EPC2: variants seen among roughly 807,000 people sequenced by gnomAD.
The protein encoded by EPC2 is enhancer of polycomb 2.
EPC2 carries 14 observed loss-of-function variants against 92.1 expected under a neutral mutation model. The observed-to-expected ratio is 0.15, with a 90% CI of 0.10 to 0.24. EPC2 has a LOEUF of 0.24. Ranked by LOEUF, EPC2 falls within the 10% of genes least tolerant of loss-of-function variation. The pLI, the probability that EPC2 is intolerant of heterozygous loss-of-function variation, is 1.00. For synonymous variants in EPC2, 340 were observed against 334.7 expected (o/e 1.02, Z -0.17); for missense variants, 755 against 971.5 (o/e 0.78, Z 2.96).
At chr2:148,689,638 C>G (rs1681604131) in intron 1 of EPC2, among the ~76,000 whole-genome samples, 1 of 152,018 alleles carries the variant, frequency 6.6e-6, no homozygotes, top group African/African-American at 2.4e-5. Flanking sequence ...ATTTAGGAGG[C>G]TATTTCAGTA....
chr2:148,647,243 ATAACT>A (rs1339741247), intron 1 of EPC2, among the ~76,000 whole-genome samples: 4 of 152,248 alleles, frequency 2.6e-5, no homozygotes, highest in African/African-American at 9.6e-5. Context: ...ATTTAGTAAG[ATAACT>A]TAGAGTAATT....
At chr2:148,723,877 T>TTA (rs1318192884) in intron 2 of EPC2, among the ~76,000 whole-genome samples, 9 of 152,124 alleles carry the variant, frequency 5.9e-5, no homozygotes, top group Non-Finnish European at 1.2e-4. Context: ...CTGCTTGCAT[T>TTA]TGTAGCTTTG....
At chr2:148,722,682 C>G (rs1682406068) in intron 2 of EPC2, among the ~76,000 whole-genome samples, 3 of 152,128 alleles carry the variant, frequency 2.0e-5, no homozygotes, top group African/African-American at 7.2e-5. Context: ...GGTATATACC[C>G]AAAGAATTAT....
intron 4 of EPC2, among the ~76,000 whole-genome samples, chr2:148,759,939 A>G (rs1319320160): frequency 6.6e-6 from 1 of 152,092 alleles, no homozygotes; most frequent in Non-Finnish European, 1.5e-5. Flanking sequence ...AACGATAATT[A>G]TTTGGGCATA....
At chr2:148,719,357 C>G (rs1682322805) in intron 2 of EPC2, among the ~76,000 whole-genome samples, 1 of 152,094 alleles carries the variant, frequency 6.6e-6, no homozygotes. Flanking sequence ...TGCATTGATT[C>G]TTTCTCATCT....
chr2:148,656,960 T>C (rs1680814179), intron 1 of EPC2, among the ~76,000 whole-genome samples: 1 of 152,182 alleles, frequency 6.6e-6, no homozygotes, highest in South Asian at 2.1e-4. Flanking sequence ...TTTTACAGAT[T>C]AGTCTTGAAA....
At chr2:148,783,878 A>G in intron 12 of EPC2, 122 bp downstream of exon 12, 1 of 967,978 alleles carries the variant, frequency 1.0e-6, no homozygotes, top group Non-Finnish European at 1.5e-6. Context: ...ACTCTTTAGG[A>G]TTTCTTTGGA....
At chr2:148,645,973 A>C (rs1338483162) in intron 1 of EPC2, among the ~76,000 whole-genome samples, 1 of 152,244 alleles carries the variant, frequency 6.6e-6, no homozygotes, top group Admixed American at 6.5e-5. Flanking sequence ...CTAAATTGGC[A>C]GTTGTAATTT....
At chr2:148,773,128 G>A (rs1326285126) in intron 10 of EPC2, among the ~76,000 whole-genome samples, 1 of 151,966 alleles carries the variant, frequency 6.6e-6, no homozygotes, top group Non-Finnish European at 1.5e-5. Context: ...TATATATGTT[G>A]TATATATTGT....
intron 2 of EPC2, among the ~76,000 whole-genome samples, chr2:148,712,321 C>T (rs974820922): frequency 1.6e-4 from 25 of 151,944 alleles, no homozygotes; most frequent in Non-Finnish European, 8.8e-5. Context: ...TTGCAAGTAG[C>T]ACTATAATGC....
At chr2:148,769,802 G>A (rs1683481927) in intron 8 of EPC2, among the ~76,000 whole-genome samples, 1 of 152,156 alleles carries the variant, frequency 6.6e-6, no homozygotes, top group African/African-American at 2.4e-5. Context: ...ATGTAGCATT[G>A]TGAGGATGGC....
At chr2:148,742,914 TTTTA>T (rs1682905962) in intron 2 of EPC2, among the ~76,000 whole-genome samples, 1 of 152,160 alleles carries the variant, frequency 6.6e-6, no homozygotes, top group Non-Finnish European at 1.5e-5. Flanking sequence ...AAAATCAGCC[TTTTA>T]TTTATATAGT....
chr2:148,721,123 A>T (rs1682363697), intron 2 of EPC2, among the ~76,000 whole-genome samples: 1 of 151,682 alleles, frequency 6.6e-6, no homozygotes, highest in Non-Finnish European at 1.5e-5. Context: ...TCTCCCCAGT[A>T]CTCTTCCTAT....
intron 1 of EPC2, among the ~76,000 whole-genome samples, chr2:148,656,391 G>T (rs1680799194): frequency 6.9e-6 from 1 of 145,052 alleles, no homozygotes; most frequent in African/African-American, 2.4e-5. Flanking sequence ...AAAAAAGTCA[G>T]ATTAATTATT....
chr2:148,711,957 A>C (rs1422366035), intron 2 of EPC2, among the ~76,000 whole-genome samples: 1 of 151,936 alleles, frequency 6.6e-6, no homozygotes, highest in Non-Finnish European at 1.5e-5. Context: ...TTTAATCTCT[A>C]TGTGTCTTTA....
chr2:148,660,424 T>G (rs1284960824), intron 1 of EPC2, among the ~76,000 whole-genome samples: 1 of 152,104 alleles, frequency 6.6e-6, no homozygotes, highest in Non-Finnish European at 1.5e-5. Flanking sequence ...ACAAGAGAAT[T>G]TTAAATATAG....
At chr2:148,691,606 A>G (rs753846167) in intron 2 of EPC2, 78 of 1,550,326 alleles carry the variant, frequency 5.0e-5, no homozygotes, top group South Asian at 1.7e-4. Flanking sequence ...GAGAATTTTC[A>G]TTTGTTTCTG....
At position 148,780,648 on chromosome 2, in the gene EPC2, C is replaced by A. The variant is rs534129283; in HGVS notation, c.1721-996C>A. Among the ~76,000 whole-genome samples the A allele has an allele frequency of 1.4e-4, 21 of 152,252 alleles. No individual in the cohort carries two copies. The South Asian group carries it at 4.4e-3, about 32-fold the overall frequency. On this transcript the variant is annotated intron_variant, in intron 10 of 13. Transcript: ENST00000258484. ...CTTTTCTTATTTTCCCCTATATTCA[C>A]TGTGACTCTTAGTGCAGCATTCTGC...
chr2:148,691,958 G>A (rs1176040846), intron 2 of EPC2: 1 of 377,784 alleles, frequency 2.6e-6, no homozygotes, highest in Non-Finnish European at 5.1e-6. Flanking sequence ...TAGTAATGTT[G>A]TGTCTTTTAA....
Sources: allele counts gnomAD v4.1 joint callset (sites outside exome capture counted in the v4.1 genomes callset), GRCh38; gene constraint gnomAD v4.1.1; transcripts MANE v1.5; gene names NCBI Gene and HGNC (gene_info 2026-07-23, HGNC 2026-07-21).